ANKS1B: variants seen among roughly 807,000 people sequenced by gnomAD.
ANKS1B encodes ankyrin repeat and sterile alpha motif domain-containing protein 1B.
A neutral mutation model predicts 148.3 loss-of-function variants in ANKS1B; 36 were observed. That is an observed-to-expected ratio of 0.24 (90% CI 0.19 to 0.32). The LOEUF (loss-of-function observed/expected upper bound fraction) is 0.32, where lower values mean the gene tolerates loss of function less well. ANKS1B is among the 10% of genes least tolerant of loss of function. ANKS1B has a pLI of 1.00. For missense variants in ANKS1B, 1,157 were observed against 1,542.6 expected, an observed-to-expected ratio of 0.75 and a Z score of 4.19; for synonymous variants, 542 against 560.8, an observed-to-expected ratio of 0.97 and a Z score of 0.47.
chr12:99,436,522 CCT>C (rs1161761533), intron 11 of ANKS1B, among the ~76,000 whole-genome samples: 4 of 151,914 alleles, frequency 2.6e-5, no homozygotes, highest in African/African-American at 9.7e-5. Context: ...AAGTTATATG[CCT>C]CTGTTTTTTA....
At chr12:99,146,359 G>A (rs953164205) in intron 15 of ANKS1B, among the ~76,000 whole-genome samples, 2 of 152,148 alleles carry the variant, frequency 1.3e-5, no homozygotes, top group Non-Finnish European at 2.9e-5. Flanking sequence ...GGACAGTTAC[G>A]CCAGCCAGAC....
intron 1 of ANKS1B, among the ~76,000 whole-genome samples, chr12:99,897,737 G>C (rs938585223): frequency 6.7e-6 from 1 of 150,224 alleles, no homozygotes; most frequent in Non-Finnish European, 1.5e-5. Context: ...TGGCTATAAA[G>C]TTTAGACAGC....
intron 8 of ANKS1B, among the ~76,000 whole-genome samples, chr12:99,765,727 T>G (rs1031229104): frequency 6.6e-6 from 1 of 152,200 alleles, no homozygotes; most frequent in Non-Finnish European, 1.5e-5. Flanking sequence ...CCCTCTACGT[T>G]GACATTTTGT....
At chr12:99,287,376 A>G (rs2079279813) in intron 12 of ANKS1B, among the ~76,000 whole-genome samples, 1 of 152,218 alleles carries the variant, frequency 6.6e-6, no homozygotes. Context: ...CAGATATTGC[A>G]ACAGTGACTA....
chr12:99,751,230 T>G (rs1463738828), intron 8 of ANKS1B, among the ~76,000 whole-genome samples: 2 of 152,056 alleles, frequency 1.3e-5, no homozygotes, highest in Non-Finnish European at 2.9e-5. Flanking sequence ...TTTAAAAAGA[T>G]TTAATTGGCC....
chr12:99,591,027 A>G (rs1467087726), intron 9 of ANKS1B, among the ~76,000 whole-genome samples: 1 of 141,496 alleles, frequency 7.1e-6, no homozygotes, highest in East Asian at 2.1e-4. Flanking sequence ...TCTTTCGGGT[A>G]AAGAATATTT....
At chr12:99,187,077 A>G (rs2079969616) in intron 14 of ANKS1B, among the ~76,000 whole-genome samples, 1 of 151,904 alleles carries the variant, frequency 6.6e-6, no homozygotes. Context: ...CAAGCAGAAG[A>G]AAGGATATCA....
At chr12:98,760,374 C>T (rs2153435430) in intron 25 of ANKS1B, among the ~76,000 whole-genome samples, 1 of 152,198 alleles carries the variant, frequency 6.6e-6, no homozygotes, top group African/African-American at 2.4e-5. Context: ...ACATGATCCT[C>T]TCACCTCAGC....
chr12:99,664,758 A>G (rs2098497463), intron 8 of ANKS1B, among the ~76,000 whole-genome samples: 1 of 152,192 alleles, frequency 6.6e-6, no homozygotes, highest in Non-Finnish European at 1.5e-5. Flanking sequence ...ACAATATAGT[A>G]GCATATACAC....
intron 14 of ANKS1B, among the ~76,000 whole-genome samples, chr12:99,243,627 C>A (rs1171260372): frequency 3.9e-5 from 6 of 152,126 alleles, no homozygotes; most frequent in Non-Finnish European, 7.4e-5. Flanking sequence ...GGAACCAACC[C>A]AAATGTCCAC....
intron 12 of ANKS1B, among the ~76,000 whole-genome samples, chr12:99,383,509 A>T (rs2152518757): frequency 6.6e-6 from 1 of 152,264 alleles, no homozygotes; most frequent in East Asian, 1.9e-4. Flanking sequence ...TCATGTTCTC[A>T]CTTATATCTT....
At chr12:99,246,235 A>G in intron 13 of ANKS1B, 40 bp downstream of exon 13, 1 of 1,427,002 alleles carries the variant, frequency 7.0e-7, no homozygotes, top group Non-Finnish European at 9.2e-7. Context: ...CCTCAACTGC[A>G]AAGCCTTATA....
chr12:99,559,531 G>A (rs569645302), intron 9 of ANKS1B, among the ~76,000 whole-genome samples: 55 of 152,230 alleles, frequency 3.6e-4, no homozygotes, highest in African/African-American at 1.3e-3. Flanking sequence ...GTTGCATGGT[G>A]GGGAAAAGAA....
At chr12:98,861,681 T>C (rs1195459035) in intron 17 of ANKS1B, among the ~76,000 whole-genome samples, 1 of 152,246 alleles carries the variant, frequency 6.6e-6, no homozygotes, top group African/African-American at 2.4e-5. Flanking sequence ...GCAAAAGTTC[T>C]GGACTAATTT....
chr12:99,193,931 A>G (rs758871196), intron 14 of ANKS1B, among the ~76,000 whole-genome samples: 15 of 148,648 alleles, frequency 1.0e-4, no homozygotes, highest in Admixed American at 2.1e-4. Flanking sequence ...CCTCCTGAGT[A>G]GCCGGGACTA....
intron 11 of ANKS1B, among the ~76,000 whole-genome samples, chr12:99,408,233 G>GAACATACAC (rs1277944876): frequency 1.4e-5 from 2 of 145,630 alleles, no homozygotes; most frequent in Non-Finnish European, 3.0e-5. Flanking sequence ...AAGGTGTCAA[G>GAACATACAC]AACATACACA....
At chr12:99,755,202 T>C (rs1466031824) in intron 8 of ANKS1B, among the ~76,000 whole-genome samples, 1 of 151,790 alleles carries the variant, frequency 6.6e-6, no homozygotes. Flanking sequence ...CAAACAACCA[T>C]CAAAGAATAT....
chr12:98,889,361 T>C (rs1392647091), intron 17 of ANKS1B, among the ~76,000 whole-genome samples: 6 of 152,156 alleles, frequency 3.9e-5, no homozygotes, highest in Non-Finnish European at 7.3e-5. Context: ...TTTTTTTTTT[T>C]TTTGAGACAG....
At chr12:99,629,149 A>C (rs1435278860) in intron 9 of ANKS1B, among the ~76,000 whole-genome samples, 6 of 152,246 alleles carry the variant, frequency 3.9e-5, no homozygotes, top group Middle Eastern at 6.8e-3. Context: ...CTCAAAACCC[A>C]AAATAGTTAC....
Sources: allele counts gnomAD v4.1 joint callset (sites outside exome capture counted in the v4.1 genomes callset), GRCh38; gene constraint gnomAD v4.1.1; transcripts MANE v1.5; gene names NCBI Gene and HGNC (gene_info 2026-07-23, HGNC 2026-07-21).